The following CEP128 variants were observed in gnomAD, a reference collection of about 807,000 sequenced individuals.
CEP128 encodes centrosomal protein 128, also known as centrosomal protein 128kDa.
Under a neutral mutation model 156.7 loss-of-function variants are expected in CEP128, and 132 were observed. The ratio of observed to expected loss-of-function variants is 0.84; its 90% CI spans 0.73 to 0.97. CEP128 has a LOEUF of 0.97. CEP128 is among the 50% of genes least tolerant of loss of function. The pLI is 0.00. For missense variants in CEP128, 1,252 were observed against 1,281.9 expected (o/e 0.98, Z 0.36); for synonymous variants, 469 against 448.9 (o/e 1.04, Z -0.57).
intron 16 of CEP128, among the ~76,000 whole-genome samples, chr14:80,772,269 A>C (rs1900550467): frequency 6.6e-6 from 1 of 152,156 alleles, no homozygotes; most frequent in African/African-American, 2.4e-5. Context: ...GCAGAAAAGA[A>C]GATGAACAGA....
intron 23 of CEP128, among the ~76,000 whole-genome samples, chr14:80,509,280 C>G (rs1207685222): frequency 6.6e-6 from 1 of 152,122 alleles, no homozygotes; most frequent in Non-Finnish European, 1.5e-5. Context: ...TATGGGGGTT[C>G]CCCTTTCTCC....
intron 19 of CEP128, among the ~76,000 whole-genome samples, chr14:80,612,835 TTTTTTGTTTTTG>T (rs534260061): frequency 5.3e-5 from 8 of 151,894 alleles, no homozygotes; most frequent in African/African-American, 1.2e-4. Flanking sequence ...CAGAAAGTGT[TTTTTTGTTTTTG>T]TTTTTGTTTT....
chr14:80,708,496 T>C (rs948475867), intron 19 of CEP128, among the ~76,000 whole-genome samples: 1 of 152,104 alleles, frequency 6.6e-6, no homozygotes, highest in East Asian at 1.9e-4. Context: ...TATTTTCCAT[T>C]TTTTATTTTA....
At chr14:80,780,793 T>C (rs1901066123) in intron 15 of CEP128, among the ~76,000 whole-genome samples, 1 of 152,236 alleles carries the variant, frequency 6.6e-6, no homozygotes. Flanking sequence ...TTATAGCCAC[T>C]GAGCATCTTC....
intron 15 of CEP128, among the ~76,000 whole-genome samples, chr14:80,778,980 C>T (rs1302937088): frequency 6.6e-6 from 1 of 152,086 alleles, no homozygotes; most frequent in Non-Finnish European, 1.5e-5. Context: ...CCCAAAGATA[C>T]ACAGTGAATA....
At chr14:80,584,703 A>AC (rs753200084) in intron 19 of CEP128, among the ~76,000 whole-genome samples, 3 of 152,142 alleles carry the variant, frequency 2.0e-5, no homozygotes, top group Non-Finnish European at 4.4e-5. Context: ...TATAGGTGAG[A>AC]CCCCTAGATA....
At chr14:80,600,411 A>G (rs1892531894) in intron 19 of CEP128, among the ~76,000 whole-genome samples, 1 of 152,186 alleles carries the variant, frequency 6.6e-6, no homozygotes, top group South Asian at 2.1e-4. Flanking sequence ...TATCACATAG[A>G]AGGGTTTTGT....
At chr14:80,888,110 C>T (rs1401364515) in intron 8 of CEP128, among the ~76,000 whole-genome samples, 1 of 152,072 alleles carries the variant, frequency 6.6e-6, no homozygotes, top group African/African-American at 2.4e-5. Flanking sequence ...AGACCAATAA[C>T]AAGTTTGGAA....
intron 19 of CEP128, among the ~76,000 whole-genome samples, chr14:80,712,871 A>T (rs1470196922): frequency 6.6e-6 from 1 of 152,154 alleles, no homozygotes; most frequent in African/African-American, 2.4e-5. Context: ...GCATTTCCCC[A>T]TTATATCCAG....
chr14:80,602,953 AT>A (rs1892638542), intron 19 of CEP128, among the ~76,000 whole-genome samples: 1 of 152,210 alleles, frequency 6.6e-6, no homozygotes, highest in African/African-American at 2.4e-5. Flanking sequence ...CAAAAGTGAA[AT>A]TAGAACATAC....
At chr14:80,574,572 C>A (rs1205596056) in intron 20 of CEP128, among the ~76,000 whole-genome samples, 1 of 152,146 alleles carries the variant, frequency 6.6e-6, no homozygotes. Context: ...TCTTTGGTGG[C>A]TTTTCCTGCC....
intron 20 of CEP128, among the ~76,000 whole-genome samples, chr14:80,571,255 T>A (rs1224036801): frequency 1.3e-5 from 2 of 152,212 alleles, no homozygotes; most frequent in Non-Finnish European, 2.9e-5. Flanking sequence ...CTTCAATCCC[T>A]GTTTCAGTCG....
intron 16 of CEP128, among the ~76,000 whole-genome samples, chr14:80,763,441 T>C (rs1225960970): frequency 6.6e-6 from 1 of 152,184 alleles, no homozygotes; most frequent in East Asian, 1.9e-4. Flanking sequence ...TATTTGATAA[T>C]TGTATCATTT....
intron 13 of CEP128, among the ~76,000 whole-genome samples, chr14:80,811,775 TCTC>T (rs972035022): frequency 6.9e-6 from 1 of 144,846 alleles, no homozygotes; most frequent in Non-Finnish European, 1.5e-5. Context: ...GGTTATTATC[TCTC>T]TTCTGCGTCT....
intron 19 of CEP128, among the ~76,000 whole-genome samples, chr14:80,613,492 G>T (rs1304199298): frequency 1.3e-5 from 2 of 150,268 alleles, no homozygotes; most frequent in Non-Finnish European, 3.0e-5. Flanking sequence ...TGTATTTATG[G>T]TAGAGACGGG....
At chr14:80,734,620 C>A (rs557792400) in intron 19 of CEP128, among the ~76,000 whole-genome samples, 1 of 151,818 alleles carries the variant, frequency 6.6e-6, no homozygotes, top group Non-Finnish European at 1.5e-5. Flanking sequence ...GAGGCCGAGG[C>A]GGGCAGATCA....
chr14:80,608,679 T>A (rs536833392), intron 19 of CEP128, among the ~76,000 whole-genome samples: 21 of 152,106 alleles, frequency 1.4e-4, no homozygotes, highest in Non-Finnish European at 2.8e-4. Context: ...TAAATCTACA[T>A]CTGTTTCTTC....
At chr14:80,525,028 T>C (rs971969655) in intron 23 of CEP128, among the ~76,000 whole-genome samples, 6 of 152,166 alleles carry the variant, frequency 3.9e-5, no homozygotes, top group Non-Finnish European at 7.3e-5. Context: ...GGAAATTGCA[T>C]TGATTTATAG....
chr14:80,837,436 C>T (rs1035923667), intron 11 of CEP128, among the ~76,000 whole-genome samples: 1 of 151,632 alleles, frequency 6.6e-6, no homozygotes, highest in Non-Finnish European at 1.5e-5. Context: ...TAAGCCTTAT[C>T]GGCCGGGCGT....
Sources: gnomAD v4.1 joint callset for allele counts (sites outside exome capture counted in the v4.1 genomes callset) on GRCh38, gnomAD v4.1.1 for gene constraint, MANE v1.5 for transcripts, NCBI Gene and HGNC (gene_info 2026-07-23, HGNC 2026-07-21) for gene names.